The following EXOC1 variants were observed in gnomAD, a reference collection of about 807,000 sequenced individuals.
EXOC1 encodes the protein SEC3-like 1.
EXOC1 carries 67 observed loss-of-function variants against 107.7 expected under a neutral mutation model. The ratio of observed to expected loss-of-function variants is 0.62; its 90% CI spans 0.51 to 0.76. EXOC1 has a LOEUF of 0.76. EXOC1 is among the 30% of genes least tolerant of loss of function. EXOC1 has a pLI of 0.00. For missense variants in EXOC1, 833 were observed against 1,055.7 expected, an observed-to-expected ratio of 0.79 and a Z score of 2.92; for synonymous variants, 348 against 353.5, an observed-to-expected ratio of 0.98 and a Z score of 0.17.
intron 10 of EXOC1, among the ~76,000 whole-genome samples, chr4:55,885,252 G>C (rs1240674885): frequency 1.3e-5 from 2 of 152,068 alleles, no homozygotes; most frequent in African/African-American, 4.8e-5. Flanking sequence ...GGAGGTAAGA[G>C]AGAAATATTT....
intron 6 of EXOC1, 80 bp downstream of exon 6, chr4:55,870,985 C>T (rs937720360): frequency 3.2e-6 from 5 of 1,544,034 alleles, no homozygotes; most frequent in Admixed American, 2.0e-5. Context: ...TTTTAATTTC[C>T]TTGTGAGAAC....
chr4:55,868,560 T>C, intron 5 of EXOC1, 37 bp downstream of exon 5: 2 of 1,582,368 alleles, frequency 1.3e-6, no homozygotes, highest in Non-Finnish European at 8.6e-7. Flanking sequence ...AAGTGATGTA[T>C]AGTGGATTGA....
chr4:55,890,482 C>A, intron 12 of EXOC1, 96 bp downstream of exon 12: 1 of 996,214 alleles, frequency 1.0e-6, no homozygotes, highest in Non-Finnish European at 1.5e-6. Flanking sequence ...TTGGGTTCTT[C>A]TGGCTCTCTT....
chr4:55,876,640 CT>C, intron 8 of EXOC1: 3 of 985,304 alleles, frequency 3.0e-6, no homozygotes, highest in Non-Finnish European at 3.6e-6. Context: ...TCTGTTGCCC[CT>C]GTGTTCTAGT....
intron 12 of EXOC1, among the ~76,000 whole-genome samples, chr4:55,890,752 T>C (rs892398988): frequency 2.0e-5 from 3 of 152,128 alleles, no homozygotes; most frequent in African/African-American, 4.8e-5. Flanking sequence ...GTTTTTGAAA[T>C]GGAGTCTTGC....
intron 8 of EXOC1, among the ~76,000 whole-genome samples, chr4:55,874,682 T>G (rs185739937): frequency 6.6e-6 from 1 of 152,266 alleles, no homozygotes; most frequent in East Asian, 1.9e-4. Context: ...ATGAGAGTAA[T>G]GTTACATAAA....
chr4:55,854,335 G>T (rs1016853964), intron 1 of EXOC1, among the ~76,000 whole-genome samples: 4 of 152,160 alleles, frequency 2.6e-5, no homozygotes, highest in Non-Finnish European at 4.4e-5. Context: ...CAGGCTATTT[G>T]TCACACAGTG....
At chr4:55,898,372 C>T (rs541685099) in intron 16 of EXOC1, among the ~76,000 whole-genome samples, 1 of 152,208 alleles carries the variant, frequency 6.6e-6, no homozygotes, top group South Asian at 2.1e-4. Context: ...GATAAAAAAT[C>T]TATCTCAGGC....
chr4:55,862,529 G>T (rs748994816), intron 3 of EXOC1, among the ~76,000 whole-genome samples: 9 of 152,064 alleles, frequency 5.9e-5, no homozygotes, highest in African/African-American at 9.7e-5. Context: ...CATATTGGTT[G>T]CCAATACTCT....
At chr4:55,889,083 T>C in intron 11 of EXOC1, 151 bp downstream of exon 11, 1 of 679,280 alleles carries the variant, frequency 1.5e-6, no homozygotes, top group Non-Finnish European at 2.6e-6. Context: ...ATGGTAGTGA[T>C]ATGGCTGTAT....
intron 2 of EXOC1, 119 bp from the exon 3 acceptor site, chr4:55,860,292 G>A: frequency 7.8e-7 from 1 of 1,282,684 alleles, no homozygotes; most frequent in Non-Finnish European, 1.1e-6. Context: ...TTGTTGCAAA[G>A]TATTACACCT....
At chr4:55,884,566 TGACA>T (rs1221024147) in intron 10 of EXOC1, among the ~76,000 whole-genome samples, 1 of 152,204 alleles carries the variant, frequency 6.6e-6, no homozygotes, top group Non-Finnish European at 1.5e-5. Context: ...GAATAGCCAG[TGACA>T]GTATCAAGTT....
intron 10 of EXOC1, among the ~76,000 whole-genome samples, chr4:55,886,094 A>G (rs755399699): frequency 2.0e-5 from 3 of 152,190 alleles, no homozygotes; most frequent in Non-Finnish European, 4.4e-5. Flanking sequence ...TGAAATATTC[A>G]ATACTTTATT....
chr4:55,863,956 G>T (rs182422360), intron 3 of EXOC1, among the ~76,000 whole-genome samples: 5 of 152,288 alleles, frequency 3.3e-5, no homozygotes, highest in Admixed American at 3.3e-4. Context: ...AAGCCACAAA[G>T]CCATTAATGC....
intron 4 of EXOC1, among the ~76,000 whole-genome samples, chr4:55,864,848 A>G (rs1721810695): frequency 6.6e-6 from 1 of 152,152 alleles, no homozygotes; most frequent in Non-Finnish European, 1.5e-5. Flanking sequence ...GCTTCTTTTA[A>G]ACAGCTCTGG....
At chr4:55,865,528 TA>T (rs1225647819) in intron 4 of EXOC1, among the ~76,000 whole-genome samples, 1 of 152,182 alleles carries the variant, frequency 6.6e-6, no homozygotes, top group African/African-American at 2.4e-5. Flanking sequence ...AAATTTATGG[TA>T]ACTTTTCATG....
At chr4:55,882,744 A>G (rs1723525783) in intron 9 of EXOC1, 1 of 152,202 alleles carries the variant, frequency 6.6e-6, no homozygotes, top group African/African-American at 2.4e-5. Flanking sequence ...TTTACACAAC[A>G]TGTACCTTTT....
At chr4:55,869,428 A>G (rs1392374391) in intron 5 of EXOC1, among the ~76,000 whole-genome samples, 1 of 152,180 alleles carries the variant, frequency 6.6e-6, no homozygotes, top group African/African-American at 2.4e-5. Context: ...AGAGTAATCT[A>G]AAATCATTTG....
rs759626434 is a variant in EXOC1 at position 55,888,912 on chromosome 4, C to T, written c.1355C>T (p.Ala452Val). Residue 452 changes from alanine (A) to valine (V), a missense_variant, in exon 11 of 19, where the codon GCT becomes GTT. Transcript: ENST00000381295. ...GCTACACTGCCTCGAAAAGAAAGTG[C>T]TGTCAAACAGGAAACAGAGAGTGAG... Reference protein sequence around the residue: ...KFATLPRKESAVKQETESLHG... With the variant: ...KFATLPRKESVVKQETESLHG... 66 of 1,613,578 alleles carry T rather than the reference C, an allele frequency of 4.1e-5. No individual in the cohort carries two copies. Among genetic ancestry groups the T allele is most frequent in the Non-Finnish European group, 5.4e-5 (64 of 1,179,692 alleles).
Sources: gnomAD v4.1 joint callset for allele counts (sites outside exome capture counted in the v4.1 genomes callset) on GRCh38, gnomAD v4.1.1 for gene constraint, MANE v1.5 for transcripts, NCBI Gene and HGNC (gene_info 2026-07-23, HGNC 2026-07-21) for gene names.